Variants in AUTS2 observed in about 807,000 individuals in gnomAD.
The protein encoded by AUTS2 is autism susceptibility gene 2 protein.
In AUTS2, 17 loss-of-function variants were observed where a neutral mutation model predicts 112.4. The observed-to-expected ratio is 0.15, with a 90% CI of 0.10 to 0.23. AUTS2 has a LOEUF of 0.23. AUTS2 is among the 10% of genes least tolerant of loss of function. AUTS2 has a pLI of 1.00. For synonymous variants in AUTS2, 751 were observed against 702.7 expected (o/e 1.07, Z -1.09); for missense variants, 1,510 against 1,701.6 (o/e 0.89, Z 1.98).
intron 5 of AUTS2, among the ~76,000 whole-genome samples, chr7:70,649,205 A>AAGTT (rs140308174): frequency 2.2e-4 from 33 of 152,176 alleles, no homozygotes; most frequent in African/African-American, 6.0e-4. Context: ...TTTAGATTAG[A>AAGTT]AGTTTGAGAC....
intron 1 of AUTS2, among the ~76,000 whole-genome samples, chr7:69,729,470 A>G (rs1009429050): frequency 8.1e-6 from 1 of 123,416 alleles, no homozygotes. Flanking sequence ...ATGTCACGTG[A>G]ACATCACTTT....
At chr7:70,325,893 G>C (rs529132567) in intron 4 of AUTS2, among the ~76,000 whole-genome samples, 8 of 152,210 alleles carry the variant, frequency 5.3e-5, no homozygotes, top group Non-Finnish European at 1.2e-4. Flanking sequence ...CAAGCCATCT[G>C]TCTGCATCTA....
intron 1 of AUTS2, among the ~76,000 whole-genome samples, chr7:69,784,049 G>T (rs921074232): frequency 6.6e-6 from 1 of 152,100 alleles, no homozygotes; most frequent in African/African-American, 2.4e-5. Flanking sequence ...CCCCAGATAC[G>T]TGGGCATGCT....
chr7:70,079,991 A>T (rs1259993379), intron 2 of AUTS2, among the ~76,000 whole-genome samples: 1 of 152,148 alleles, frequency 6.6e-6, no homozygotes, highest in East Asian at 1.9e-4. Context: ...GCATTAATCC[A>T]TTCATGAGGG....
intron 15 of AUTS2, chr7:70,782,964 AAGGCTCTGTTACCATGGCACCT>A (rs752200730): frequency 3.9e-4 from 60 of 152,326 alleles, no homozygotes; most frequent in South Asian, 3.9e-3. Context: ...GACATATTTG[AAGGCTCTGTTACCATGGCACCT>A]AGGCTCTGAG....
At chr7:70,763,965 G>A (rs545644772) in intron 7 of AUTS2, among the ~76,000 whole-genome samples, 10 of 152,274 alleles carry the variant, frequency 6.6e-5, no homozygotes, top group East Asian at 1.9e-4. Context: ...ACAAAGAAGC[G>A]TCTAAAAAGC....
At chr7:70,180,083 A>G (rs192495453) in intron 4 of AUTS2, among the ~76,000 whole-genome samples, 9 of 152,320 alleles carry the variant, frequency 5.9e-5, no homozygotes, top group African/African-American at 2.2e-4. Flanking sequence ...ATAGTTTATT[A>G]TGGAAGTCTT....
At chr7:70,290,805 C>G (rs1206102079) in intron 4 of AUTS2, 3 of 370,118 alleles carry the variant, frequency 8.1e-6, no homozygotes, top group Non-Finnish European at 1.3e-5. Flanking sequence ...TGCCAAGAAG[C>G]AAAGTCATTA....
At chr7:70,099,186 T>A (rs912202901) in intron 2 of AUTS2, among the ~76,000 whole-genome samples, 1 of 152,188 alleles carries the variant, frequency 6.6e-6, no homozygotes, top group Non-Finnish European at 1.5e-5. Context: ...TCTCTTTTCC[T>A]TTCCCATATC....
At chr7:70,721,137 T>G (rs928276038) in intron 6 of AUTS2, among the ~76,000 whole-genome samples, 28 of 152,060 alleles carry the variant, frequency 1.8e-4, no homozygotes, top group Non-Finnish European at 1.3e-4. Context: ...ATATGTCTTC[T>G]GCTCTACTGG....
intron 4 of AUTS2, among the ~76,000 whole-genome samples, chr7:70,224,281 A>G (rs1330744134): frequency 6.6e-6 from 1 of 152,050 alleles, no homozygotes; most frequent in East Asian, 1.9e-4. Flanking sequence ...TGCCACTGCT[A>G]TCCAGAGTGA....
chr7:69,865,984 C>G (rs892690411), intron 1 of AUTS2, among the ~76,000 whole-genome samples: 7 of 152,172 alleles, frequency 4.6e-5, no homozygotes, highest in Non-Finnish European at 8.8e-5. Flanking sequence ...AGTCTTCTCC[C>G]TGACTTCACT....
At chr7:70,507,883 ATG>A (rs758701236) in intron 5 of AUTS2, among the ~76,000 whole-genome samples, 2 of 152,238 alleles carry the variant, frequency 1.3e-5, no homozygotes, top group African/African-American at 4.8e-5. Context: ...ATGTGTACAC[ATG>A]TGTGTGTGCA....
chr7:69,717,029 G>A (rs1284796375), intron 1 of AUTS2, among the ~76,000 whole-genome samples: 2 of 152,050 alleles, frequency 1.3e-5, no homozygotes, highest in Non-Finnish European at 2.9e-5. Context: ...CTGTCCTTTT[G>A]GGTTTTTATG....
At chr7:70,452,143 C>T (rs1359228788) in intron 5 of AUTS2, among the ~76,000 whole-genome samples, 1 of 151,874 alleles carries the variant, frequency 6.6e-6, no homozygotes, top group East Asian at 1.9e-4. Context: ...GTTGTTTTTC[C>T]TTTTAAAAAT....
At chr7:70,123,302 AT>A (rs1805786877) in intron 3 of AUTS2, among the ~76,000 whole-genome samples, 1 of 152,172 alleles carries the variant, frequency 6.6e-6, no homozygotes, top group African/African-American at 2.4e-5. Context: ...TTAACAATTA[AT>A]TTATTTTTTT....
intron 2 of AUTS2, among the ~76,000 whole-genome samples, chr7:70,089,592 A>G (rs1803799303): frequency 6.6e-6 from 1 of 152,128 alleles, no homozygotes; most frequent in Admixed American, 6.5e-5. Flanking sequence ...AATTGTGGAT[A>G]TTTAGACTGT....
At chr7:69,771,796 T>C (rs1043387278) in intron 1 of AUTS2, among the ~76,000 whole-genome samples, 1 of 152,010 alleles carries the variant, frequency 6.6e-6, no homozygotes, top group Non-Finnish European at 1.5e-5. Context: ...CTTTTTTTTT[T>C]TTTTGAGATA....
rs35234562 is a variant in AUTS2, at chr7:69,846,098, A to ATT, written c.310-53177_310-53176dup. Reference sequence around the variant, plus strand: ...ATGATTTCTTTCAAGTTTATTTGGGATTTTTTTTTTTTGGTCTGTGCCTTT... The same window carrying ATT: ...ATGATTTCTTTCAAGTTTATTTGGGATTTTTTTTTTTTTTGGTCTGTGCCTTT... On this transcript the variant is annotated intron_variant, in intron 1 of 18. Transcript: ENST00000342771. Among the ~76,000 whole-genome samples, 1,030 of 147,182 alleles carry ATT rather than the reference A, an allele frequency of 7.0e-3. 11 individuals are homozygous for ATT. Among genetic ancestry groups the ATT allele is most frequent in the South Asian group, 0.019 (90 of 4,650 alleles).
Sources: gnomAD v4.1 joint callset for allele counts (sites outside exome capture counted in the v4.1 genomes callset) on GRCh38, gnomAD v4.1.1 for gene constraint, MANE v1.5 for transcripts, NCBI Gene and HGNC (gene_info 2026-07-23, HGNC 2026-07-21) for gene names.